The following RAB3B variants were observed in gnomAD, a reference collection of about 807,000 sequenced individuals.
RAB3B encodes the protein ras-related protein Rab-3B.
In RAB3B, 11 loss-of-function variants were observed where a neutral mutation model predicts 20.5. That is an observed-to-expected ratio of 0.54 (90% CI 0.34 to 0.89). The LOEUF is 0.89. Ranked by LOEUF, RAB3B falls within the 40% of genes least tolerant of loss-of-function variation. The pLI, the probability that RAB3B is intolerant of heterozygous loss-of-function variation, is 0.02. For synonymous variants in RAB3B, 99 were observed against 106.3 expected (o/e 0.93, Z 0.42); for missense variants, 225 against 280.9 (o/e 0.80, Z 1.42).
chr1:51,933,167 A>C (rs1209677691), intron 4 of RAB3B, 151 bp downstream of exon 4: 28 of 784,228 alleles, frequency 3.6e-5, no homozygotes, highest in Non-Finnish European at 1.9e-6. Context: ...CCTCATACAA[A>C]TATAAAACAA....
rs146135055 is a variant in RAB3B, at chr1:51,969,111, A to G, written c.228+7779T>C. Among the ~76,000 whole-genome samples the G allele has an allele frequency of 4.3e-3, 656 of 152,318 alleles. 4 individuals are homozygous for G. Among genetic ancestry groups the G allele is most frequent in the African/African-American group, 0.015 (627 of 41,570 alleles). The stretch of plus-strand genomic sequence containing the variant: ...GGAGTTTGAGACCAGCCTGGGGAAC[A>G]TGACAAAACCCTGTCTCTACAAAAA... On this transcript the variant is annotated intron_variant, in intron 2 of 4. Transcript: ENST00000371655.
chr1:51,926,978 C>G (rs1684253129), intron 4 of RAB3B, among the ~76,000 whole-genome samples: 2 of 152,166 alleles, frequency 1.3e-5, no homozygotes, highest in South Asian at 4.1e-4. Flanking sequence ...ATTACAATAG[C>G]TGATGATAAT....
chr1:51,932,254 A>T (rs1684336942), intron 4 of RAB3B, among the ~76,000 whole-genome samples: 1 of 152,190 alleles, frequency 6.6e-6, no homozygotes, highest in East Asian at 1.9e-4. Context: ...CAGAGACTTT[A>T]AACTCTCCAC....
chr1:51,927,317 G>T (rs1005192768), intron 4 of RAB3B, among the ~76,000 whole-genome samples: 3 of 152,164 alleles, frequency 2.0e-5, no homozygotes, highest in Admixed American at 6.5e-5. Context: ...AATCCAAACT[G>T]CATGTTTTAC....
At chr1:51,967,221 G>A (rs902161556) in intron 2 of RAB3B, among the ~76,000 whole-genome samples, 5 of 152,116 alleles carry the variant, frequency 3.3e-5, no homozygotes, top group Non-Finnish European at 7.4e-5. Flanking sequence ...GCTGAGGCAG[G>A]AGAATCGCTT....
rs189518797 is a variant in RAB3B, at chr1:51,938,459, T to A, written c.229-1047A>T. Among the ~76,000 whole-genome samples, 417 of 152,272 alleles carry A rather than the reference T, an allele frequency of 2.7e-3. 2 individuals carry two copies. The highest frequency in any genetic ancestry group is 9.7e-3 in the African/African-American group (402 of 41,556). On this transcript the variant is annotated intron_variant, in intron 2 of 4. Coordinates refer to ENST00000371655, the MANE Select transcript of RAB3B (RefSeq NM_002867.4). ...AGTGAAAACATATCATCAACTTATA[T>A]ATTCAACAATAGGAGAATGGTTAAA... is the stretch of plus-strand genomic sequence containing the variant.
chr1:51,965,190 A>G (rs1684832926), intron 2 of RAB3B, among the ~76,000 whole-genome samples: 1 of 149,352 alleles, frequency 6.7e-6, no homozygotes. Context: ...CTGCACTTCC[A>G]ACCTGGGTGA....
At chr1:51,968,971 G>A (rs1008848648) in intron 2 of RAB3B, among the ~76,000 whole-genome samples, 9 of 152,120 alleles carry the variant, frequency 5.9e-5, no homozygotes, top group African/African-American at 2.2e-4. Context: ...TGGAACCCAT[G>A]GTCACTCTTA....
intron 4 of RAB3B, among the ~76,000 whole-genome samples, chr1:51,929,166 G>A (rs1432675941): frequency 1.3e-5 from 2 of 152,144 alleles, no homozygotes; most frequent in African/African-American, 4.8e-5. Context: ...TCTTTTTGCA[G>A]GAATTGGGAA....
chr1:51,928,327 G>A (rs1167343506), intron 4 of RAB3B, among the ~76,000 whole-genome samples: 2 of 152,072 alleles, frequency 1.3e-5, no homozygotes, highest in South Asian at 2.1e-4. Context: ...GGCTGGTCTC[G>A]AACTCCCGAC....
At chr1:51,985,809 A>C (rs530792477) in intron 1 of RAB3B, among the ~76,000 whole-genome samples, 1 of 152,054 alleles carries the variant, frequency 6.6e-6, no homozygotes, top group Admixed American at 6.6e-5. Flanking sequence ...AGAGTAAAAA[A>C]TTGTTTCAGT....
rs889256612 is a variant in RAB3B, at chr1:51,917,345, A to G, written c.*2582T>C. 1 of 152,198 alleles carries G rather than the reference A, an allele frequency of 6.6e-6. No homozygotes were observed. Among genetic ancestry groups the G allele is most frequent in the African/African-American group, 2.4e-5 (1 of 41,460 alleles). The allele number at this position is 152,198 out of a possible 1,614,324, so 9.4% of individuals were successfully genotyped here. A position where few individuals can be genotyped will look rare whatever the true frequency, so the allele number is the denominator to read the frequency against. On this transcript the variant is annotated 3_prime_UTR_variant, in exon 5 of 5. Transcript: ENST00000371655. ...AAGAGACACCGAGTTATTAGTGCCA[A>G]AAGAGACCTTAAAGATCATCCAAAT...
Position 51,912,971 on chromosome 1 carries a change from C to T in RAB3B, c.*6956G>A, listed in dbSNP as rs895996010. ...CTTAGATACACGTTATTATCAAAGA[C>T]TTGGCATCTAAAGCCTCGGGACTAG... On this transcript the variant is annotated 3_prime_UTR_variant, in exon 5 of 5. Coordinates refer to ENST00000371655, the MANE Select transcript of RAB3B (RefSeq NM_002867.4). The T allele has an allele frequency of 3.9e-5, 6 of 152,092 alleles. No individual in the cohort carries two copies. Among genetic ancestry groups the T allele is most frequent in the African/African-American group, 1.4e-4 (6 of 41,408 alleles). 9.4% of individuals were successfully genotyped at this position (152,092 alleles called of 1,614,324 possible).
rs1183941680 is a variant in RAB3B at position 51,914,290 on chromosome 1, TA to T, written c.*5636del. The T allele has an allele frequency of 1.3e-5, 2 of 152,210 alleles. No homozygotes were observed. The highest frequency in any genetic ancestry group is 4.8e-5 in the African/African-American group (2 of 41,456). 9.4% of individuals were successfully genotyped at this position (152,210 alleles called of 1,614,324 possible). A position where few individuals can be genotyped will look rare whatever the true frequency, so the allele number is the denominator to read the frequency against. Reference sequence around the variant, plus strand: ...AAGGTGAAAGCTTAGTTGAGGAATGTAAAGCAATGGCCAGTGGGTAGCAGAG... The same window carrying T: ...AAGGTGAAAGCTTAGTTGAGGAATGTAAGCAATGGCCAGTGGGTAGCAGAG... On this transcript the variant is annotated 3_prime_UTR_variant, in exon 5 of 5. Coordinates refer to ENST00000371655, the MANE Select transcript of RAB3B (RefSeq NM_002867.4).
At chr1:51,948,744 T>G (rs1031004290) in intron 2 of RAB3B, among the ~76,000 whole-genome samples, 1 of 152,214 alleles carries the variant, frequency 6.6e-6, no homozygotes, top group African/African-American at 2.4e-5. Context: ...CACCATGAGC[T>G]TCTCCTTTGT....
At chr1:51,946,005 G>A (rs1684559877) in intron 2 of RAB3B, among the ~76,000 whole-genome samples, 1 of 152,052 alleles carries the variant, frequency 6.6e-6, no homozygotes, top group South Asian at 2.1e-4. Context: ...TTAAGTGTCT[G>A]GCTTATAATA....
chr1:51,935,443 G>A (rs977963280), intron 3 of RAB3B, among the ~76,000 whole-genome samples: 1 of 152,190 alleles, frequency 6.6e-6, no homozygotes, highest in Non-Finnish European at 1.5e-5. Context: ...GGGCTTGGGA[G>A]AGATAGACCC....
At chr1:51,974,098 C>A (rs900147951) in intron 2 of RAB3B, among the ~76,000 whole-genome samples, 1 of 152,188 alleles carries the variant, frequency 6.6e-6, no homozygotes, top group African/African-American at 2.4e-5. Flanking sequence ...GCCTCTCCAG[C>A]AAATTTCTCT....
chr1:51,960,390 A>C (rs377499972), intron 2 of RAB3B, among the ~76,000 whole-genome samples: 9 of 152,330 alleles, frequency 5.9e-5, no homozygotes, highest in African/African-American at 1.9e-4. Context: ...CCTCCCAGCC[A>C]TCTGGGCCTC....
Sources: allele counts gnomAD v4.1 joint callset (sites outside exome capture counted in the v4.1 genomes callset), GRCh38; gene constraint gnomAD v4.1.1; transcripts MANE v1.5; gene names NCBI Gene and HGNC (gene_info 2026-07-23, HGNC 2026-07-21).